The following ARMC3 variants were observed in gnomAD, a reference collection of about 807,000 sequenced individuals.
The protein encoded by ARMC3 is armadillo repeat-containing protein 3.
ARMC3 carries 74 observed loss-of-function variants against 90.3 expected under a neutral mutation model. The observed-to-expected ratio is 0.82, with a 90% CI of 0.68 to 0.99. The LOEUF (loss-of-function observed/expected upper bound fraction) is 0.99. ARMC3 is among the 50% of genes least tolerant of loss of function. The pLI is 0.00. For synonymous variants in ARMC3, 334 were observed against 361.8 expected (o/e 0.92, Z 0.87); for missense variants, 958 against 1,042.8 (o/e 0.92, Z 1.12).
At chr10:23,001,240 A>C (rs1837272774) in intron 11 of ARMC3, among the ~76,000 whole-genome samples, 1 of 152,198 alleles carries the variant, frequency 6.6e-6, no homozygotes, top group African/African-American at 2.4e-5. Flanking sequence ...ACTTGGCTTA[A>C]AGCCATGTAA....
At chr10:22,976,862 A>G (rs1204410400) in intron 8 of ARMC3, among the ~76,000 whole-genome samples, 1 of 152,182 alleles carries the variant, frequency 6.6e-6, no homozygotes, top group African/African-American at 2.4e-5. Context: ...TCTGCATATA[A>G]TTGCAGGGAG....
At chr10:23,003,190 ACT>A (rs1172074380) in intron 12 of ARMC3, 54 bp from the exon 13 acceptor site, 34 of 1,498,000 alleles carry the variant, frequency 2.3e-5, no homozygotes, top group Non-Finnish European at 3.0e-5. Context: ...ATAAGTGGAG[ACT>A]CAGTATTGGA....
intron 6 of ARMC3, chr10:22,961,630 A>G (rs1835194824): frequency 5.5e-6 from 2 of 362,020 alleles, no homozygotes; most frequent in African/African-American, 2.1e-5. Flanking sequence ...GATTTGCTGT[A>G]TAATAAACAA....
At position 22,959,509 on chromosome 10, in the gene ARMC3, CTACTGAG is replaced by C; in HGVS notation, c.475_481del (p.Leu159AlafsTer6). ...TGGGGGATTAGAGCCACTCATCAGA[CTACTGAG>C]TAGCCCTGACCCGGATGTAAAGAAG... is the stretch of plus-strand genomic sequence containing the variant. On this transcript the variant is annotated frameshift_variant, in exon 6 of 19. Coordinates refer to ENST00000298032, the MANE Select transcript of ARMC3 (RefSeq NM_173081.5). LOFTEE classifies it high-confidence loss of function. 6.2e-7 allele frequency: 1 copy of C among 1,614,056 alleles called. No homozygotes were observed. The highest frequency in any genetic ancestry group is 8.5e-7 in the Non-Finnish European group (1 of 1,179,972).
intron 3 of ARMC3, among the ~76,000 whole-genome samples, 180 bp from the exon 4 acceptor site, chr10:22,955,627 A>G (rs1405920318): frequency 6.6e-6 from 1 of 152,134 alleles, no homozygotes; most frequent in African/African-American, 2.4e-5. Context: ...TAAACAGGGG[A>G]AGGGAGAGGA....
chr10:22,994,244 G>A (rs770271767), intron 10 of ARMC3, among the ~76,000 whole-genome samples: 5 of 152,188 alleles, frequency 3.3e-5, no homozygotes, highest in Non-Finnish European at 7.3e-5. Context: ...TGGGAAGAGC[G>A]CAGGGGAGCC....
intron 17 of ARMC3, 27 bp from the exon 18 acceptor site, chr10:23,032,834 G>C: frequency 1.9e-6 from 3 of 1,596,496 alleles, no homozygotes; most frequent in Non-Finnish European, 2.6e-6. Flanking sequence ...AAAATTGACC[G>C]ATTTGATCTC....
chr10:23,005,356 A>G (rs139640632), intron 13 of ARMC3, among the ~76,000 whole-genome samples: 34 of 152,338 alleles, frequency 2.2e-4, no homozygotes, highest in African/African-American at 7.9e-4. Context: ...GTGTTTGGTC[A>G]TGAAGTTTTA....
In ARMC3 at chr10:23,003,314, A is replaced by G. The variant is rs757770108; in HGVS notation, c.1631A>G (p.Tyr544Cys). 6.2e-7 allele frequency: 1 copy of G among 1,613,830 alleles called. No homozygotes were observed. Among genetic ancestry groups the G allele is most frequent in the Non-Finnish European group, 8.5e-7 (1 of 1,179,842 alleles). Residue 544 changes from tyrosine to cysteine, a missense_variant, in exon 13 of 19, where the codon TAT becomes TGT. Tyr to Cys is a radical substitution (Grantham distance 194). Coordinates refer to ENST00000298032, the MANE Select transcript of ARMC3 (RefSeq NM_173081.5). ...AAAAATAAATTCAGTGAGGCAGCTT[A>G]TAATAAGTTGCTCAATAACAATCTT... ...TRKNKFSEAA[Y>C]NKLLNNNLSL...
At chr10:22,997,799 T>G (rs1837062241) in intron 10 of ARMC3, among the ~76,000 whole-genome samples, 1 of 152,178 alleles carries the variant, frequency 6.6e-6, no homozygotes, top group Admixed American at 6.5e-5. Context: ...TAAATAGAAT[T>G]TCCTGGTCTT....
chr10:22,958,908 G>A (rs1437366371), intron 4 of ARMC3, among the ~76,000 whole-genome samples, 162 bp from the exon 5 acceptor site: 3 of 151,812 alleles, frequency 2.0e-5, no homozygotes, highest in African/African-American at 7.3e-5. Flanking sequence ...TTTTTAGTAG[G>A]GTAGGGGTTT....
intron 17 of ARMC3, 58 bp downstream of exon 17, chr10:23,030,854 A>ACATTTTAG: frequency 6.4e-7 from 1 of 1,557,242 alleles, no homozygotes; most frequent in East Asian, 2.3e-5. Context: ...AGTGTCATAT[A>ACATTTTAG]CATTTTAGCC....
chr10:23,026,686 G>C (rs750445981), intron 16 of ARMC3, among the ~76,000 whole-genome samples: 24 of 151,972 alleles, frequency 1.6e-4, no homozygotes, highest in Non-Finnish European at 2.9e-5. Context: ...TCATAACTAG[G>C]ATATTGACAT....
intron 16 of ARMC3, among the ~76,000 whole-genome samples, chr10:23,009,809 A>G (rs1424730963): frequency 6.6e-6 from 1 of 152,158 alleles, no homozygotes; most frequent in African/African-American, 2.4e-5. Context: ...ACATGTTTAC[A>G]TATTTTTAAA....
intron 10 of ARMC3, 93 bp from the exon 11 acceptor site, chr10:22,998,055 T>A: frequency 7.3e-7 from 1 of 1,374,912 alleles, no homozygotes; most frequent in Admixed American, 2.3e-5. Flanking sequence ...ATCGTATTTC[T>A]GTACTCATTT....
Position 22,931,169 on chromosome 10 carries a change from C to T in ARMC3, c.-1-827C>T, listed in dbSNP as rs181335839. ...GTCTTGAACTCCTGACCTCGTGATT[C>T]GCCCACCTCGGCCTCCCAAAGAGCT... On this transcript the variant is annotated intron_variant, in intron 1 of 18. Transcript: ENST00000298032. 1.9e-3 allele frequency among the ~76,000 whole-genome samples: 284 copies of T among 152,230 alleles called. 3 individuals carry two copies. Among genetic ancestry groups the T allele is most frequent in the African/African-American group, 5.9e-3 (244 of 41,540 alleles).
In ARMC3 at chr10:23,037,435, A is replaced by T. The variant is rs1564411121; in HGVS notation, c.2575A>T (p.Met859Leu). The T allele has an allele frequency of 6.2e-7, 1 of 1,614,090 alleles. No homozygotes were observed. The highest frequency in any genetic ancestry group is 2.2e-5 in the East Asian group (1 of 44,876). ...CCTCATGTTCCATCCAGGTGGACTGATGAAGTTGAGAAGTCGAGAGGCTGA... is the reference window on the plus strand; with the variant it reads ...CCTCATGTTCCATCCAGGTGGACTGTTGAAGTTGAGAAGTCGAGAGGCTGA... ...IDLMFHPGGLMKLRSREADLY... is the reference protein window; with the variant it reads ...IDLMFHPGGLLKLRSREADLY... Residue 859 changes from methionine to leucine, a missense_variant, in exon 19 of 19, where the codon ATG (methionine) becomes TTG (leucine). Physicochemically the swap from Met to Leu is conservative, Grantham distance 15. Transcript: ENST00000298032.
intron 2 of ARMC3, among the ~76,000 whole-genome samples, chr10:22,935,568 T>G (rs1018815789): frequency 6.6e-6 from 1 of 152,200 alleles, no homozygotes; most frequent in African/African-American, 2.4e-5. Flanking sequence ...CCATTTACTT[T>G]CATTCTTTTT....
chr10:22,950,384 A>T (rs975638401), intron 3 of ARMC3, among the ~76,000 whole-genome samples: 1 of 152,182 alleles, frequency 6.6e-6, no homozygotes, highest in South Asian at 2.1e-4. Context: ...TTAGGATCTC[A>T]TATGTGAAGT....
Sources: gnomAD v4.1 joint callset for allele counts (sites outside exome capture counted in the v4.1 genomes callset) on GRCh38, gnomAD v4.1.1 for gene constraint, MANE v1.5 for transcripts, NCBI Gene and HGNC (gene_info 2026-07-23, HGNC 2026-07-21) for gene names.